PALLD: variants seen among roughly 807,000 people sequenced by gnomAD.
The protein encoded by PALLD is palladin.
PALLD carries 61 observed loss-of-function variants against 123.5 expected under a neutral mutation model. The observed-to-expected ratio is 0.49, with a 90% CI of 0.40 to 0.61. The LOEUF (loss-of-function observed/expected upper bound fraction) is 0.61, where lower values mean the gene tolerates loss of function less well. Ranked by LOEUF, PALLD falls within the 20% of genes least tolerant of loss-of-function variation. The pLI is 0.00. For missense variants in PALLD, 1,273 were observed against 1,377.0 expected, an observed-to-expected ratio of 0.92 and a Z score of 1.20; for synonymous variants, 465 against 496.4, an observed-to-expected ratio of 0.94 and a Z score of 0.84.
intron 10 of PALLD, among the ~76,000 whole-genome samples, chr4:168,851,313 T>C (rs763716231): frequency 6.6e-6 from 1 of 152,206 alleles, no homozygotes; most frequent in Non-Finnish European, 1.5e-5. Flanking sequence ...GATAACTTAA[T>C]AGTACAACTG....
In PALLD at chr4:168,926,925, A is replaced by G; in HGVS notation, c.*745A>G. 4.5e-6 allele frequency: 1 copy of G among 220,010 alleles called. No homozygotes were observed. The highest frequency in any genetic ancestry group is 9.1e-6 in the Non-Finnish European group (1 of 109,534). 13.6% of individuals were successfully genotyped at this position (220,010 alleles called of 1,614,324 possible). The stretch of plus-strand genomic sequence containing the variant: ...TTTGCAAATGTTTTTATATTAAATC[A>G]TAAGGAAGGAACTACTTGCCTTAAA... On this transcript the variant is annotated 3_prime_UTR_variant, in exon 22 of 22. Transcript: ENST00000505667.
At chr4:168,855,333 C>T (rs1349818089) in intron 10 of PALLD, among the ~76,000 whole-genome samples, 1 of 152,206 alleles carries the variant, frequency 6.6e-6, no homozygotes, top group Non-Finnish European at 1.5e-5. Context: ...TCGTGATCCA[C>T]CCGCCTCGGC....
chr4:168,782,029 T>G (rs563826562), intron 10 of PALLD, among the ~76,000 whole-genome samples: 1 of 152,272 alleles, frequency 6.6e-6, no homozygotes, highest in East Asian at 1.9e-4. Context: ...CTGGTTTGCT[T>G]AGGGATTATC....
chr4:168,550,625 A>G (rs1350229663), intron 2 of PALLD, among the ~76,000 whole-genome samples: 1 of 151,790 alleles, frequency 6.6e-6, no homozygotes, highest in Non-Finnish European at 1.5e-5. Flanking sequence ...AAACTTCTGT[A>G]GTTACATTCC....
chr4:168,586,481 G>T (rs1770832231), intron 2 of PALLD, among the ~76,000 whole-genome samples: 1 of 152,134 alleles, frequency 6.6e-6, no homozygotes, highest in African/African-American at 2.4e-5. Flanking sequence ...ACTAATTTGG[G>T]AATTGTGGGA....
chr4:168,779,161 A>G (rs1017521764), intron 10 of PALLD, among the ~76,000 whole-genome samples: 2 of 152,186 alleles, frequency 1.3e-5, no homozygotes, highest in African/African-American at 4.8e-5. Context: ...TATTGATTCT[A>G]TGTTGGTTGA....
At chr4:168,839,480 C>G (rs1437857000) in intron 10 of PALLD, among the ~76,000 whole-genome samples, 1 of 151,748 alleles carries the variant, frequency 6.6e-6, no homozygotes, top group Non-Finnish European at 1.5e-5. Flanking sequence ...TATTGGTAAT[C>G]TCAGCTGAGC....
chr4:168,639,730 G>C (rs1193672245), intron 2 of PALLD, among the ~76,000 whole-genome samples: 1 of 151,924 alleles, frequency 6.6e-6, no homozygotes, highest in Non-Finnish European at 1.5e-5. Context: ...TTTTTTAGTA[G>C]AGACGGGGTT....
At chr4:168,864,276 T>G (rs1031529834) in intron 10 of PALLD, 3 of 152,274 alleles carry the variant, frequency 2.0e-5, no homozygotes, top group Non-Finnish European at 2.9e-5. Flanking sequence ...ATATCTTTTC[T>G]TTGTTCTTTG....
chr4:168,781,566 G>A (rs1177105483), intron 10 of PALLD, among the ~76,000 whole-genome samples: 1 of 152,218 alleles, frequency 6.6e-6, no homozygotes, highest in Admixed American at 6.5e-5. Flanking sequence ...AGCAAATGCT[G>A]TTTGGAGATT....
chr4:168,650,157 A>G (rs1306265497), intron 2 of PALLD, among the ~76,000 whole-genome samples: 1 of 152,196 alleles, frequency 6.6e-6, no homozygotes, highest in African/African-American at 2.4e-5. Flanking sequence ...CTAGGCGACG[A>G]GAGTGAGACT....
chr4:168,632,014 T>A, intron 2 of PALLD: 4 of 567,184 alleles, frequency 7.1e-6, no homozygotes, highest in Non-Finnish European at 6.7e-6. Context: ...TGTTTAGTTG[T>A]AGTGGACTCA....
intron 2 of PALLD, among the ~76,000 whole-genome samples, chr4:168,658,204 C>T (rs1363925416): frequency 6.6e-6 from 1 of 151,504 alleles, no homozygotes; most frequent in African/African-American, 2.4e-5. Context: ...TTAATAGCTT[C>T]TGGCAGCACA....
intron 2 of PALLD, among the ~76,000 whole-genome samples, chr4:168,625,897 A>T (rs1213200594): frequency 6.6e-6 from 1 of 152,186 alleles, no homozygotes; most frequent in African/African-American, 2.4e-5. Context: ...CAGGATCTCA[A>T]AAAGATATTT....
chr4:168,852,069 C>G (rs535267747), intron 10 of PALLD, among the ~76,000 whole-genome samples: 1 of 152,300 alleles, frequency 6.6e-6, no homozygotes, highest in African/African-American at 2.4e-5. Flanking sequence ...CCTGGACAGG[C>G]TGGAGAAATG....
In PALLD at chr4:168,531,289, T is replaced by C. The variant is rs1169086547; in HGVS notation, c.908+18877T>C. Among the ~76,000 whole-genome samples, 4 of 152,182 alleles carry C rather than the reference T, an allele frequency of 2.6e-5. No homozygotes were observed. In the East Asian group the frequency reaches 5.8e-4, roughly 22 times the overall value. On this transcript the variant is annotated intron_variant, in intron 2 of 21. Transcript: ENST00000505667. Reference sequence around the variant, plus strand: ...AGACTAGCTATAAATTTTAAGCTGATGATGATCAATCTGAAATGGATGGTT... The same window carrying C: ...AGACTAGCTATAAATTTTAAGCTGACGATGATCAATCTGAAATGGATGGTT...
At chr4:168,739,919 T>C (rs1030698883) in intron 10 of PALLD, among the ~76,000 whole-genome samples, 2 of 152,214 alleles carry the variant, frequency 1.3e-5, no homozygotes, top group African/African-American at 4.8e-5. Context: ...TAGCATGTAT[T>C]TATGTCATCT....
chr4:168,837,486 C>T (rs765343512), intron 10 of PALLD, among the ~76,000 whole-genome samples: 1 of 152,194 alleles, frequency 6.6e-6, no homozygotes, highest in African/African-American at 2.4e-5. Context: ...CAGCACCTAT[C>T]GGTAGCTGAA....
In PALLD at chr4:168,536,225, T is replaced by A. The variant is rs112299069; in HGVS notation, c.908+23813T>A. ...ACTTCTGCCTGTCCTTTAACCCAAA[T>A]AGATTCCTGTTGCCCTTCCAGCAAA... On this transcript the variant is annotated intron_variant, in intron 2 of 21. Transcript: ENST00000505667. Among the ~76,000 whole-genome samples the A allele has an allele frequency of 2.2e-3, 340 of 152,304 alleles. 1 individual carries two copies. Among genetic ancestry groups the A allele is most frequent in the African/African-American group, 7.2e-3 (299 of 41,572 alleles).
Sources: gnomAD v4.1 joint callset for allele counts (sites outside exome capture counted in the v4.1 genomes callset) on GRCh38, gnomAD v4.1.1 for gene constraint, MANE v1.5 for transcripts, NCBI Gene and HGNC (gene_info 2026-07-23, HGNC 2026-07-21) for gene names.